The following PLCB1 variants were observed in gnomAD, a reference collection of about 807,000 sequenced individuals.
PLCB1 encodes phospholipase C beta 1.
PLCB1 carries 46 observed loss-of-function variants against 161.8 expected under a neutral mutation model. That is an observed-to-expected ratio of 0.28 (90% CI 0.22 to 0.36). The LOEUF (loss-of-function observed/expected upper bound fraction) is 0.36, where lower values mean the gene tolerates loss of function less well. PLCB1 is among the 10% of genes least tolerant of loss of function. The pLI, the probability that PLCB1 is intolerant of heterozygous loss-of-function variation, is 1.00. For synonymous variants in PLCB1, 517 were observed against 503.7 expected (o/e 1.03, Z -0.35); for missense variants, 1,016 against 1,472.5 (o/e 0.69, Z 5.07).
At chr20:8,356,781 G>C (rs1986375366) in intron 2 of PLCB1, among the ~76,000 whole-genome samples, 1 of 152,122 alleles carries the variant, frequency 6.6e-6, no homozygotes, top group African/African-American at 2.4e-5. Flanking sequence ...TTACGATGGG[G>C]CCTATAAGGA....
intron 1 of PLCB1, among the ~76,000 whole-genome samples, chr20:8,147,536 A>C (rs2051465590): frequency 2.6e-5 from 4 of 152,214 alleles, no homozygotes; most frequent in Admixed American, 1.3e-4. Context: ...TATGGGGAGA[A>C]TATAGATACT....
At chr20:8,799,286 C>T (rs956519260) in intron 31 of PLCB1, among the ~76,000 whole-genome samples, 4 of 152,146 alleles carry the variant, frequency 2.6e-5, no homozygotes, top group Non-Finnish European at 5.9e-5. Flanking sequence ...TGGTGGGGTT[C>T]AGCGTCTTCC....
chr20:8,561,048 G>A (rs1600153948), intron 3 of PLCB1, among the ~76,000 whole-genome samples: 1 of 151,892 alleles, frequency 6.6e-6, no homozygotes, highest in Admixed American at 6.6e-5. Context: ...GATATGGAAC[G>A]AGGAATCAAA....
intron 3 of PLCB1, among the ~76,000 whole-genome samples, chr20:8,463,892 AT>A (rs957728419): frequency 6.6e-6 from 1 of 152,028 alleles, no homozygotes; most frequent in East Asian, 1.9e-4. Flanking sequence ...ATTTATCAGC[AT>A]TTTTTTTATT....
At chr20:8,133,156 C>G (rs1189942543) in intron 1 of PLCB1, among the ~76,000 whole-genome samples, 1 of 152,166 alleles carries the variant, frequency 6.6e-6, no homozygotes, top group Non-Finnish European at 1.5e-5. Context: ...CCCCTATTAC[C>G]TCTTTTGCCC....
rs60723889 is a variant in PLCB1 at position 8,315,695 on chromosome 20, T to C, written c.178-55687T>C. Among the ~76,000 whole-genome samples the C allele has an allele frequency of 1.7e-4, 26 of 152,302 alleles. 3 individuals are homozygous for C. In the East Asian group the frequency reaches 5.0e-3, roughly 29 times the overall value. On this transcript the variant is annotated intron_variant, in intron 2 of 31. Transcript: ENST00000338037. Reference sequence around the variant, plus strand: ...TACTGCCTACTTTCATTAAGTTTCTTGTGTCTGCCGGTCTTGCTTACATAT... The same window carrying C: ...TACTGCCTACTTTCATTAAGTTTCTCGTGTCTGCCGGTCTTGCTTACATAT...
chr20:8,574,679 G>A (rs1028263279), intron 3 of PLCB1, among the ~76,000 whole-genome samples: 1 of 148,356 alleles, frequency 6.7e-6, no homozygotes, highest in African/African-American at 2.6e-5. Context: ...CAATCCCACT[G>A]GAAACTGGGA....
intron 2 of PLCB1, among the ~76,000 whole-genome samples, chr20:8,253,331 A>G (rs1373549972): frequency 6.6e-6 from 1 of 151,970 alleles, no homozygotes; most frequent in Non-Finnish European, 1.5e-5. Flanking sequence ...TTCCTAGTCC[A>G]TTTCATTGGC....
chr20:8,631,643 T>C (rs1988592175), intron 4 of PLCB1, among the ~76,000 whole-genome samples: 1 of 152,158 alleles, frequency 6.6e-6, no homozygotes, highest in South Asian at 2.1e-4. Flanking sequence ...AATGTGACCT[T>C]TTAGCACAGC....
chr20:8,637,958 A>C (rs1018542893), intron 4 of PLCB1, among the ~76,000 whole-genome samples: 3 of 152,200 alleles, frequency 2.0e-5, no homozygotes, highest in African/African-American at 7.2e-5. Flanking sequence ...CAGTGGCGCC[A>C]TCTCGGCTCA....
intron 3 of PLCB1, among the ~76,000 whole-genome samples, chr20:8,470,851 C>G (rs6055841): frequency 0.012 from 1,748 of 151,246 alleles, 33 homozygotes; most frequent in African/African-American, 0.039. Flanking sequence ...CTTTTTTGTG[C>G]TCTTCTTTGT....
At chr20:8,447,852 G>A (rs968347056) in intron 3 of PLCB1, among the ~76,000 whole-genome samples, 1 of 152,178 alleles carries the variant, frequency 6.6e-6, no homozygotes, top group African/African-American at 2.4e-5. Flanking sequence ...GTCACAACAT[G>A]ACCCTTAATT....
At chr20:8,580,356 G>A (rs946480869) in intron 3 of PLCB1, among the ~76,000 whole-genome samples, 13 of 152,112 alleles carry the variant, frequency 8.5e-5, no homozygotes, top group African/African-American at 2.9e-4. Flanking sequence ...ATGTAGTTAC[G>A]CTGTGATAAT....
intron 3 of PLCB1, among the ~76,000 whole-genome samples, chr20:8,485,637 C>A (rs765078081): frequency 1.3e-5 from 2 of 152,276 alleles, no homozygotes; most frequent in South Asian, 4.1e-4. Context: ...GACTAGAGGA[C>A]CTCATCTGGT....
intron 3 of PLCB1, among the ~76,000 whole-genome samples, chr20:8,380,864 T>C (rs898319848): frequency 6.6e-6 from 1 of 152,186 alleles, no homozygotes; most frequent in Non-Finnish European, 1.5e-5. Flanking sequence ...TGTGGTTTTC[T>C]AAATATAGAA....
intron 2 of PLCB1, among the ~76,000 whole-genome samples, chr20:8,314,542 TA>T (rs1301699944): frequency 6.6e-6 from 1 of 152,228 alleles, no homozygotes; most frequent in Non-Finnish European, 1.5e-5. Context: ...GCAAGCTATA[TA>T]ACCTTTGTCT....
intron 31 of PLCB1, among the ~76,000 whole-genome samples, chr20:8,876,374 G>T (rs1015927172): frequency 2.0e-5 from 3 of 152,110 alleles, no homozygotes; most frequent in African/African-American, 7.2e-5. Context: ...AGGCTCCAAG[G>T]CATAGCCTAC....
chr20:8,534,580 G>A (rs1207600863), intron 3 of PLCB1, among the ~76,000 whole-genome samples: 1 of 151,790 alleles, frequency 6.6e-6, no homozygotes, highest in East Asian at 1.9e-4. Flanking sequence ...TGGAACTGGA[G>A]TGAAACAACG....
intron 3 of PLCB1, among the ~76,000 whole-genome samples, chr20:8,379,790 G>A (rs1987207042): frequency 6.6e-6 from 1 of 152,020 alleles, no homozygotes. Context: ...CCCACTTTTT[G>A]ATGGTGGTAT....
Sources: gnomAD v4.1 joint callset for allele counts (sites outside exome capture counted in the v4.1 genomes callset) on GRCh38, gnomAD v4.1.1 for gene constraint, MANE v1.5 for transcripts, NCBI Gene and HGNC (gene_info 2026-07-23, HGNC 2026-07-21) for gene names.